Variants in CCL5 observed in about 807,000 individuals in gnomAD.
CCL5 encodes C-C motif chemokine ligand 5, also known as C-C motif chemokine 5.
CCL5 carries 5 observed loss-of-function variants against 9.0 expected under a neutral mutation model. The ratio of observed to expected loss-of-function variants is 0.55; its 90% CI spans 0.29 to 1.16. The LOEUF is 1.16. Among genes scored for constraint, CCL5 ranks in the 50% most tolerant of loss-of-function variants. The pLI is 0.08. For missense variants in CCL5, 183 were observed against 183.2 expected (o/e 1.00, Z 0.01); for synonymous variants, 66 against 72.0 (o/e 0.92, Z 0.42).
In CCL5 at chr17:35,880,218, AC is replaced by A; in HGVS notation, c.76+11del. 6.2e-7 allele frequency: 1 copy of A among 1,612,450 alleles called. No individual in the cohort carries two copies. Among genetic ancestry groups the A allele is most frequent in the Non-Finnish European group, 8.5e-7 (1 of 1,178,742 alleles). On this transcript the variant is annotated intron_variant, in intron 1 of 3. Coordinates refer to ENST00000651122, the MANE Select transcript of CCL5 (RefSeq NM_001278736.2). ...GACTCCAGGGGCTGTGGTGGTCAAGACCAGGACTTACATGGGGAGGCAGATG... is the reference window on the plus strand; with the variant it reads ...GACTCCAGGGGCTGTGGTGGTCAAGACAGGACTTACATGGGGAGGCAGATG...
intron 2 of CCL5, among the ~76,000 whole-genome samples, chr17:35,876,012 A>G (rs1284139020): frequency 6.6e-6 from 1 of 152,214 alleles, no homozygotes; most frequent in Non-Finnish European, 1.5e-5. Flanking sequence ...GCAATAATGC[A>G]TTTAGATGAT....
chr17:35,875,973 C>A (rs561202050), intron 2 of CCL5, among the ~76,000 whole-genome samples: 1 of 152,208 alleles, frequency 6.6e-6, no homozygotes, highest in Non-Finnish European at 1.5e-5. Flanking sequence ...TCATTCATTC[C>A]TTAAGTTTCA....
intron 2 of CCL5, 88 bp downstream of exon 2, chr17:35,878,440 G>A (rs2088471392): frequency 2.4e-6 from 2 of 845,110 alleles, no homozygotes; most frequent in East Asian, 2.5e-5. Flanking sequence ...GCTTGCAGCT[G>A]GAGGATAGGT....
chr17:35,872,542 A>G, intron 3 of CCL5, 78 bp from the exon 3 acceptor site: 1 of 1,153,602 alleles, frequency 8.7e-7, no homozygotes, highest in Non-Finnish European at 1.3e-6. Flanking sequence ...GAAGTGGATT[A>G]AGGTATAAAG....
In CCL5 at chr17:35,875,600, C is replaced by T; in HGVS notation, c.231G>A (p.Trp77Ter). The stretch of plus-strand genomic sequence containing the variant: ...GCCGGGAGTCATACAGGAAATCCTG[C>T]CAGACTTGCTGTCCCTCTCTCTTTG... The change falls in exon 3 of 4, where the codon TGG becomes TGA. Residue 77 changes from tryptophan (W) to a stop codon, truncating the protein, a stop_gained. Transcript: ENST00000651122. LOFTEE classifies it low-confidence loss of function (END_TRUNC). 1.0e-6 allele frequency: 1 copy of T among 985,440 alleles called. No homozygotes were observed. The highest frequency in any genetic ancestry group is 1.2e-6 in the Non-Finnish European group (1 of 829,920). 61.0% of individuals were successfully genotyped at this position (985,440 alleles called of 1,614,324 possible).
chr17:35,872,517 G>A, intron 3 of CCL5, 53 bp from the exon 3 acceptor site: 2 of 1,484,052 alleles, frequency 1.3e-6, no homozygotes, highest in South Asian at 2.3e-5. Context: ...TACCGGGACA[G>A]CCAGTTTGGG....
intron 2 of CCL5, among the ~76,000 whole-genome samples, chr17:35,876,723 CT>C (rs1396834329): frequency 1.3e-5 from 2 of 152,212 alleles, no homozygotes; most frequent in East Asian, 1.9e-4. Context: ...GCATTTAGCA[CT>C]TTTGCTGCAT....
At chr17:35,876,834 C>G (rs759638257) in intron 2 of CCL5, among the ~76,000 whole-genome samples, 2 of 152,204 alleles carry the variant, frequency 1.3e-5, no homozygotes, top group African/African-American at 2.4e-5. Context: ...ATTCCCTAGG[C>G]TTTTCTCTGC....
rs758381912 is a variant in CCL5 at position 35,880,267 on chromosome 17, A to C, written c.39T>G (p.Ile13Met). ...ATGCAGGAGCGCAGAGGGCAGTAGC[A>C]ATGAGGATGACAGCGAGGGCTGCCG... The change falls in exon 1 of 4, where the codon ATT (isoleucine) becomes ATG (methionine). Residue 13 changes from isoleucine to methionine, a missense_variant. Physicochemically the swap from Ile to Met is conservative, Grantham distance 10 (BLOSUM62 1). Coordinates refer to ENST00000651122, the MANE Select transcript of CCL5 (RefSeq NM_001278736.2). 2 of 1,613,870 alleles carry C rather than the reference A, an allele frequency of 1.2e-6. No homozygotes were observed. The highest frequency in any genetic ancestry group is 2.2e-5 in the South Asian group (2 of 90,972).
chr17:35,879,788 C>T (rs1321033002), intron 1 of CCL5, among the ~76,000 whole-genome samples: 1 of 152,026 alleles, frequency 6.6e-6, no homozygotes, highest in Admixed American at 6.5e-5. Context: ...TCTCATAAGC[C>T]AATTTTTTTT....
chr17:35,873,378 A>G (rs1228423814), intron 3 of CCL5, among the ~76,000 whole-genome samples: 4 of 148,794 alleles, frequency 2.7e-5, no homozygotes, highest in South Asian at 2.1e-4. Context: ...TAGTAGAGAC[A>G]GAGTTTCACT....
At chr17:35,879,028 A>G (rs1289948934) in intron 1 of CCL5, among the ~76,000 whole-genome samples, 1 of 152,186 alleles carries the variant, frequency 6.6e-6, no homozygotes, top group Admixed American at 6.5e-5. Flanking sequence ...TCCATGACTC[A>G]GCCAGGATCC....
At chr17:35,873,096 G>T (rs1365847251) in intron 3 of CCL5, among the ~76,000 whole-genome samples, 1 of 151,930 alleles carries the variant, frequency 6.6e-6, no homozygotes, top group Admixed American at 6.6e-5. Flanking sequence ...TACCATGTTG[G>T]CCAGGATGGT....
At chr17:35,879,059 A>G (rs2088479878) in intron 1 of CCL5, among the ~76,000 whole-genome samples, 1 of 152,204 alleles carries the variant, frequency 6.6e-6, no homozygotes, top group African/African-American at 2.4e-5. Context: ...CTGGAGATGC[A>G]TATTGTATCT....
chr17:35,872,449 CT>C lies in CCL5; in HGVS notation c.285del (p.Glu96AsnfsTer24). ...CTGGGTTGGCACACACTTGGCGGTT[CT>C]TTCGGGTGACAAAGCTGTGGGAGAG... is the stretch of plus-strand genomic sequence containing the variant. On this transcript the variant is annotated frameshift_variant, in exon 4 of 4. Transcript: ENST00000651122. LOFTEE classifies it low-confidence loss of function (END_TRUNC). The C allele has an allele frequency of 6.2e-7, 1 of 1,614,020 alleles. No individual in the cohort carries two copies. The highest frequency in any genetic ancestry group is 8.5e-7 in the Non-Finnish European group (1 of 1,180,010).
rs1271641102 is a variant in CCL5 at position 35,871,917 on chromosome 17, T to C, written c.*353A>G. ...CCACCACGCCCGGCTAATTTTTGTA[T>C]TTTTTTTTTTTTTTTTTTTTTTGAG... On this transcript the variant is annotated 3_prime_UTR_variant, in exon 4 of 4. Transcript: ENST00000651122. The C allele has an allele frequency of 1.3e-5, 1 of 75,292 alleles. No homozygotes were observed. The highest frequency in any genetic ancestry group is 2.5e-5 in the Non-Finnish European group (1 of 40,342). The allele number at this position is 75,292 out of a possible 1,614,324, so 4.7% of individuals were successfully genotyped here. A position where few individuals can be genotyped will look rare whatever the true frequency, so the allele number is the denominator to read the frequency against.
intron 2 of CCL5, among the ~76,000 whole-genome samples, chr17:35,875,836 A>T (rs915253033): frequency 2.6e-5 from 4 of 152,034 alleles, no homozygotes; most frequent in African/African-American, 9.7e-5. Context: ...TTAAGAGCGG[A>T]TGTTCTCAAA....
intron 3 of CCL5, among the ~76,000 whole-genome samples, chr17:35,874,241 A>G (rs932398984): frequency 1.4e-4 from 21 of 152,220 alleles, no homozygotes; most frequent in Admixed American, 1.2e-3. Flanking sequence ...ATGTTATTTT[A>G]GAGATTCTCA....
At chr17:35,875,504 A>T in intron 3 of CCL5, 1 of 779,078 alleles carries the variant, frequency 1.3e-6, no homozygotes, top group Non-Finnish European at 1.6e-6. Flanking sequence ...CTGGCCTCTC[A>T]TACTTTCTAG....
Sources: allele counts gnomAD v4.1 joint callset (sites outside exome capture counted in the v4.1 genomes callset), GRCh38; gene constraint gnomAD v4.1.1; transcripts MANE v1.5; gene names NCBI Gene and HGNC (gene_info 2026-07-23, HGNC 2026-07-21).